CCDC91: variants seen among roughly 807,000 people sequenced by gnomAD.
CCDC91 encodes coiled-coil domain containing 91, also known as coiled-coil domain-containing protein 91.
A neutral mutation model predicts 63.2 loss-of-function variants in CCDC91; 48 were observed. The observed-to-expected ratio is 0.76, with a 90% confidence interval of 0.60 to 0.97. The LOEUF is 0.97. Among genes scored for constraint, CCDC91 ranks in the 50% least tolerant of loss-of-function variants. The pLI is 0.00. For missense variants in CCDC91, 500 were observed against 494.6 expected (o/e 1.01, Z -0.10); for synonymous variants, 167 against 165.8 (o/e 1.01, Z -0.06).
chr12:28,496,933 T>TATATATATGC, intron 12 of CCDC91, among the ~76,000 whole-genome samples: 1 of 139,180 alleles, frequency 7.2e-6, no homozygotes, highest in Non-Finnish European at 1.6e-5. Context: ...TATATATACA[T>TATATATATGC]ATATATATAC....
At chr12:28,267,918 T>TATATATA (rs1422842868) in intron 3 of CCDC91, among the ~76,000 whole-genome samples, 3 of 95,966 alleles carry the variant, frequency 3.1e-5, no homozygotes, top group Non-Finnish European at 5.7e-5. Flanking sequence ...TATATATAAT[T>TATATATA]ATTATAATTA....
At chr12:28,359,020 C>T (rs1382849242) in intron 6 of CCDC91, among the ~76,000 whole-genome samples, 2 of 152,136 alleles carry the variant, frequency 1.3e-5, no homozygotes, top group Non-Finnish European at 2.9e-5. Context: ...CTCAGCCTCC[C>T]GAGTAGCTGG....
intron 11 of CCDC91, among the ~76,000 whole-genome samples, chr12:28,466,960 A>G (rs1950577359): frequency 6.6e-6 from 1 of 152,136 alleles, no homozygotes; most frequent in Non-Finnish European, 1.5e-5. Flanking sequence ...AACTGTGGGG[A>G]TGAAGTTAAG....
At chr12:28,476,027 G>T (rs1203928340) in intron 11 of CCDC91, among the ~76,000 whole-genome samples, 1 of 151,898 alleles carries the variant, frequency 6.6e-6, no homozygotes, top group Non-Finnish European at 1.5e-5. Context: ...TAAAAAAACT[G>T]CATCCAATAC....
At chr12:28,426,910 TG>T (rs1047181846) in intron 8 of CCDC91, among the ~76,000 whole-genome samples, 2 of 152,194 alleles carry the variant, frequency 1.3e-5, no homozygotes, top group African/African-American at 4.8e-5. Context: ...CAGAATTTTG[TG>T]GGACTTTTAA....
intron 1 of CCDC91, among the ~76,000 whole-genome samples, chr12:28,223,883 A>T (rs991324511): frequency 3.3e-5 from 5 of 152,178 alleles, no homozygotes; most frequent in Admixed American, 1.3e-4. Flanking sequence ...CTCCTTGGAG[A>T]AAATTATTTC....
At chr12:28,492,761 AC>A (rs1952079172) in intron 12 of CCDC91, among the ~76,000 whole-genome samples, 1 of 151,700 alleles carries the variant, frequency 6.6e-6, no homozygotes, top group African/African-American at 2.4e-5. Flanking sequence ...TTTATTATAT[AC>A]TTTAACTATA....
intron 12 of CCDC91, among the ~76,000 whole-genome samples, chr12:28,509,059 A>G (rs1939071752): frequency 6.6e-6 from 1 of 151,910 alleles, no homozygotes; most frequent in Non-Finnish European, 1.5e-5. Context: ...CATAGCAGTT[A>G]TGGCATTTCT....
chr12:28,251,750 G>A (rs1946130563), intron 1 of CCDC91, among the ~76,000 whole-genome samples: 2 of 152,046 alleles, frequency 1.3e-5, no homozygotes, highest in Non-Finnish European at 2.9e-5. Context: ...AAACATATGA[G>A]CTAGTCTATT....
intron 8 of CCDC91, among the ~76,000 whole-genome samples, chr12:28,440,264 G>A (rs544079258): frequency 6.6e-6 from 1 of 152,278 alleles, no homozygotes; most frequent in African/African-American, 2.4e-5. Context: ...TGTATGGCCT[G>A]TTTTGTTTCT....
chr12:28,277,767 A>T (rs1296904530), intron 3 of CCDC91, among the ~76,000 whole-genome samples: 3 of 151,858 alleles, frequency 2.0e-5, no homozygotes, highest in Admixed American at 6.6e-5. Flanking sequence ...CTTGTAATTC[A>T]TTCTATACAT....
At chr12:28,459,092 A>T (rs1950189109) in intron 11 of CCDC91, among the ~76,000 whole-genome samples, 1 of 152,126 alleles carries the variant, frequency 6.6e-6, no homozygotes, top group African/African-American at 2.4e-5. Context: ...TGGTACACAT[A>T]GTGGGCTATT....
At chr12:28,525,433 T>G (rs1323745118) in intron 12 of CCDC91, among the ~76,000 whole-genome samples, 1 of 152,160 alleles carries the variant, frequency 6.6e-6, no homozygotes, top group Non-Finnish European at 1.5e-5. Flanking sequence ...GGAGTTGATT[T>G]CCAGTTTTAT....
At chr12:28,401,585 T>G (rs1565916295) in intron 8 of CCDC91, among the ~76,000 whole-genome samples, 1 of 152,132 alleles carries the variant, frequency 6.6e-6, no homozygotes, top group Non-Finnish European at 1.5e-5. Context: ...GGGAAGCCTC[T>G]TATAAAACCA....
At chr12:28,316,306 A>C (rs1294609054) in intron 6 of CCDC91, among the ~76,000 whole-genome samples, 1 of 151,326 alleles carries the variant, frequency 6.6e-6, no homozygotes, top group East Asian at 1.9e-4. Context: ...TTATTGCTTC[A>C]TTTCTTTTTG....
At chr12:28,420,963 C>T (rs919580256) in intron 8 of CCDC91, among the ~76,000 whole-genome samples, 5 of 151,990 alleles carry the variant, frequency 3.3e-5, no homozygotes, top group African/African-American at 4.8e-5. Context: ...CAGAATGTTG[C>T]TATGAGTAAT....
intron 3 of CCDC91, among the ~76,000 whole-genome samples, chr12:28,291,011 A>G (rs140861933): frequency 2.0e-5 from 3 of 152,272 alleles, no homozygotes; most frequent in Non-Finnish European, 1.5e-5. Flanking sequence ...TTACTTTGAA[A>G]AAATGTTAGG....
chr12:28,289,468 A>G (rs984598744), intron 3 of CCDC91, among the ~76,000 whole-genome samples: 2 of 151,844 alleles, frequency 1.3e-5, no homozygotes, highest in African/African-American at 2.4e-5. Context: ...AGGTTATTCA[A>G]TTTTCATGTA....
chr12:28,419,344 A>C (rs1372517925), intron 8 of CCDC91, among the ~76,000 whole-genome samples: 2 of 152,180 alleles, frequency 1.3e-5, no homozygotes, highest in Non-Finnish European at 2.9e-5. Flanking sequence ...TATCATAACT[A>C]TCATGACGGT....
Sources: allele counts gnomAD v4.1 joint callset (sites outside exome capture counted in the v4.1 genomes callset), GRCh38; gene constraint gnomAD v4.1.1; transcripts MANE v1.5; gene names NCBI Gene and HGNC (gene_info 2026-07-23, HGNC 2026-07-21).